Variants in PABPC4L observed in about 807,000 individuals in gnomAD.
PABPC4L encodes the protein polyadenylate-binding protein 4-like.
For synonymous variants in PABPC4L, 169 were observed against 164.1 expected (o/e 1.03, Z -0.23); for missense variants, 452 against 451.4 (o/e 1.00, Z -0.01).
At chr4:134,109,899 G>C in the PABPC4L span, among the ~76,000 whole-genome samples, 609 of 151,930 alleles carry the variant, frequency 4.0e-3, 4 homozygotes, top group African/African-American at 0.014. Context: ...GTGCCACCCA[G>C]AAACTCTTGA....
At chr4:134,001,831 G>A in the PABPC4L span, among the ~76,000 whole-genome samples, 1 of 151,992 alleles carries the variant, frequency 6.6e-6, no homozygotes, top group African/African-American at 2.4e-5. Flanking sequence ...ACCAATGTGT[G>A]TTCACACTCT....
At chr4:134,016,307 C>T in the PABPC4L span, among the ~76,000 whole-genome samples, 5 of 152,256 alleles carry the variant, frequency 3.3e-5, no homozygotes, top group Middle Eastern at 3.4e-3. Context: ...AATATGCCTT[C>T]CATATCCTGC....
chr4:134,014,299 T>C, the PABPC4L span, among the ~76,000 whole-genome samples: 3 of 152,180 alleles, frequency 2.0e-5, no homozygotes, highest in Non-Finnish European at 2.9e-5. Flanking sequence ...GGCAGCCAAG[T>C]AGCAACATAT....
At chr4:134,187,583 AC>A in the PABPC4L span, among the ~76,000 whole-genome samples, 1 of 151,562 alleles carries the variant, frequency 6.6e-6, no homozygotes, top group African/African-American at 2.4e-5. Flanking sequence ...TAGGAGATAT[AC>A]CTAATGTAAA....
chr4:134,200,099 T>G lies in PABPC4L; in HGVS notation c.921A>C (p.Glu307Asp). 1 of 1,551,662 alleles carries G rather than the reference T, an allele frequency of 6.4e-7. No individual in the cohort carries two copies. Among genetic ancestry groups the G allele is most frequent in the Non-Finnish European group, 8.7e-7 (1 of 1,146,962 alleles). The stretch of plus-strand genomic sequence containing the variant: ...ATGAAGAAAATTCGTTTCGTAGTTT[T>G]TCATCATCGATGGTGTCATCAAGGT... The part of the protein sequence containing the change: ...IKNLDDTIDD[E>D]KLRNEFSSFG... Residue 307 changes from glutamate to aspartate, a missense_variant, in exon 2 of 2, where the codon GAA becomes GAC. Glu to Asp is a conservative substitution (Grantham distance 45). Transcript: ENST00000421491.
the PABPC4L span, among the ~76,000 whole-genome samples, chr4:134,073,095 A>G: frequency 6.6e-6 from 1 of 152,146 alleles, no homozygotes; most frequent in Non-Finnish European, 1.5e-5. Flanking sequence ...ACATTCCCCC[A>G]AAGTCTTAAC....
chr4:134,166,331 A>G, the PABPC4L span, among the ~76,000 whole-genome samples: 2 of 152,224 alleles, frequency 1.3e-5, no homozygotes, highest in East Asian at 1.9e-4. Flanking sequence ...AAATAGATGT[A>G]AATATAGAAA....
the PABPC4L span, among the ~76,000 whole-genome samples, chr4:134,076,015 GA>G: frequency 1.8e-3 from 253 of 140,714 alleles, no homozygotes; most frequent in Middle Eastern, 3.6e-3. Flanking sequence ...ATAGGAACTG[GA>G]AAAAAAAAAA....
At chr4:134,045,434 C>T in the PABPC4L span, among the ~76,000 whole-genome samples, 2 of 152,116 alleles carry the variant, frequency 1.3e-5, no homozygotes, top group Non-Finnish European at 2.9e-5. Context: ...AATACCAATG[C>T]TCTCTTTTCT....
the PABPC4L span, among the ~76,000 whole-genome samples, chr4:133,968,699 A>G: frequency 6.6e-6 from 1 of 152,178 alleles, no homozygotes; most frequent in Non-Finnish European, 1.5e-5. Flanking sequence ...ATAAGAAAAA[A>G]AGAAAAAAAT....
the PABPC4L span, among the ~76,000 whole-genome samples, chr4:134,052,698 TA>T: frequency 6.0e-4 from 90 of 148,912 alleles, no homozygotes; most frequent in African/African-American, 1.0e-3. Context: ...ATCTCCAATT[TA>T]AAAAAAAAAT....
the PABPC4L span, among the ~76,000 whole-genome samples, chr4:134,088,716 A>AAT: frequency 6.6e-6 from 1 of 152,020 alleles, no homozygotes; most frequent in Admixed American, 6.6e-5. Context: ...ACCTGCTGGC[A>AAT]CCTTGATATG....
At chr4:134,067,443 G>A in the PABPC4L span, among the ~76,000 whole-genome samples, 2 of 151,824 alleles carry the variant, frequency 1.3e-5, no homozygotes, top group Admixed American at 1.3e-4. Context: ...ACTAGCTAAT[G>A]GTCTACCTGT....
chr4:133,963,373 G>T, the PABPC4L span, among the ~76,000 whole-genome samples: 4 of 152,054 alleles, frequency 2.6e-5, no homozygotes, highest in African/African-American at 9.7e-5. Context: ...AAATTAGATA[G>T]ACAGCAACAC....
the PABPC4L span, among the ~76,000 whole-genome samples, chr4:134,055,900 AG>A: frequency 6.6e-6 from 1 of 151,902 alleles, no homozygotes; most frequent in Non-Finnish European, 1.5e-5. Context: ...GCCTAGCCCT[AG>A]ATTATGAAGA....
At chr4:134,036,618 G>A in the PABPC4L span, among the ~76,000 whole-genome samples, 11 of 151,956 alleles carry the variant, frequency 7.2e-5, no homozygotes, top group African/African-American at 2.2e-4. Flanking sequence ...ACCAACAAAC[G>A]ACTTTGTGAT....
the PABPC4L span, among the ~76,000 whole-genome samples, chr4:134,036,862 C>A: frequency 1.3e-5 from 2 of 151,848 alleles, no homozygotes; most frequent in South Asian, 4.2e-4. Flanking sequence ...TCGAGACCAG[C>A]CTGGCCAACA....
the PABPC4L span, among the ~76,000 whole-genome samples, chr4:134,000,148 A>G: frequency 6.6e-6 from 1 of 152,146 alleles, no homozygotes; most frequent in Non-Finnish European, 1.5e-5. Context: ...ATGGAAATGA[A>G]TAACTTCATT....
At chr4:133,975,294 T>C in the PABPC4L span, among the ~76,000 whole-genome samples, 1 of 152,056 alleles carries the variant, frequency 6.6e-6, no homozygotes, top group Non-Finnish European at 1.5e-5. Flanking sequence ...GGCAAATCCA[T>C]GGAGAAGAAA....
Sources: allele counts gnomAD v4.1 joint callset (sites outside exome capture counted in the v4.1 genomes callset), GRCh38; gene constraint gnomAD v4.1.1; transcripts MANE v1.5; gene names NCBI Gene and HGNC (gene_info 2026-07-23, HGNC 2026-07-21).